The following RUNX1 variants were observed in gnomAD, a reference collection of about 807,000 sequenced individuals.
The protein encoded by RUNX1 is RUNX family transcription factor 1, also known as runt-related transcription factor 1.
Under a neutral mutation model 42.8 loss-of-function variants are expected in RUNX1, and 19 were observed. That is an observed-to-expected ratio of 0.44 (90% CI 0.31 to 0.65). The LOEUF (loss-of-function observed/expected upper bound fraction) is 0.65. Among genes scored for constraint, RUNX1 ranks in the 30% least tolerant of loss-of-function variants. The pLI, the probability that RUNX1 is intolerant of heterozygous loss-of-function variation, is 0.07. For synonymous variants in RUNX1, 271 were observed against 289.4 expected, an observed-to-expected ratio of 0.94 and a Z score of 0.64; for missense variants, 528 against 672.0, an observed-to-expected ratio of 0.79 and a Z score of 2.37.
intron 2 of RUNX1, among the ~76,000 whole-genome samples, chr21:34,987,033 A>C (rs1454428402): frequency 6.6e-6 from 1 of 152,228 alleles, no homozygotes; most frequent in Non-Finnish European, 1.5e-5. Context: ...ACAAGGCTGC[A>C]TGCCCAGGTA....
chr21:35,027,365 G>A (rs561842595), intron 2 of RUNX1, among the ~76,000 whole-genome samples: 8 of 152,348 alleles, frequency 5.3e-5, no homozygotes, highest in African/African-American at 1.7e-4. Flanking sequence ...TCTGGGCTGA[G>A]GCCTCAGATT....
At chr21:34,911,285 T>G (rs997920269) in intron 2 of RUNX1, among the ~76,000 whole-genome samples, 1 of 152,102 alleles carries the variant, frequency 6.6e-6, no homozygotes, top group Non-Finnish European at 1.5e-5. Flanking sequence ...GACAATACAT[T>G]TATTGGGATC....
In RUNX1 at chr21:34,792,875, C is replaced by T. The variant is rs2145880263; in HGVS notation, c.968-265G>A. ...TGACGAGGATCACCCAGCATGTCAC[C>T]TCCCAAGAGGATGGGGACTACCCAT... On this transcript the variant is annotated intron_variant, in intron 8 of 8. Transcript: ENST00000675419. This position sits in a 1 kb window ranked among gnomAD's most constrained non-coding sequence, Gnocchi z 6.9. Among the ~76,000 whole-genome samples the T allele has an allele frequency of 6.6e-6, 1 of 151,820 alleles. No individual in the cohort carries two copies. Among genetic ancestry groups the T allele is most frequent in the Middle Eastern group, 3.4e-3 (1 of 292 alleles).
At chr21:34,870,621 C>CTT (rs1262215020) in intron 5 of RUNX1, among the ~76,000 whole-genome samples, 1 of 152,190 alleles carries the variant, frequency 6.6e-6, no homozygotes, top group East Asian at 1.9e-4. Flanking sequence ...GTGGGGAAGC[C>CTT]AGTAAAGTCC....
In RUNX1 at chr21:34,834,545, G is replaced by T. The variant is rs2057114397; in HGVS notation, c.670C>A (p.Arg224=). ...CGCAGCTGCTCCAGTTCACTGAGCC[G>T]CTCGGAAAAGGACAAGCTCCCGGGC... ...TKPGSLSFSE[R]LSELEQLRRT... Residue 224 remains arginine, a synonymous_variant, in exon 7 of 9, where the codon CGG becomes AGG. Coordinates refer to ENST00000675419, the MANE Select transcript of RUNX1 (RefSeq NM_001754.5). 1 of 1,612,754 alleles carries T rather than the reference G, an allele frequency of 6.2e-7. No individual in the cohort carries two copies. The highest frequency in any genetic ancestry group is 8.5e-7 in the Non-Finnish European group (1 of 1,179,962).
intron 2 of RUNX1, among the ~76,000 whole-genome samples, chr21:34,973,043 A>G (rs778201721): frequency 6.6e-6 from 1 of 152,216 alleles, no homozygotes; most frequent in African/African-American, 2.4e-5. Context: ...CCTCAAAACC[A>G]ATATATCCCA....
chr21:34,999,997 C>T (rs1034361106), intron 2 of RUNX1, among the ~76,000 whole-genome samples: 7 of 152,122 alleles, frequency 4.6e-5, no homozygotes, highest in South Asian at 2.1e-4. Context: ...GTTGGAGCCA[C>T]GCTTATAATA....
chr21:34,991,159 C>T (rs2058934571), intron 2 of RUNX1, among the ~76,000 whole-genome samples: 2 of 152,194 alleles, frequency 1.3e-5, no homozygotes, highest in African/African-American at 4.8e-5. Flanking sequence ...TCTGTGGTTC[C>T]ACCTTGCCTG....
chr21:34,820,282 C>T (rs372647975), intron 7 of RUNX1, among the ~76,000 whole-genome samples: 1 of 152,024 alleles, frequency 6.6e-6, no homozygotes, highest in East Asian at 1.9e-4. Context: ...GGAGGATTTC[C>T]CTTCCTTGCT....
At chr21:34,853,480 T>C (rs2146203699) in intron 6 of RUNX1, among the ~76,000 whole-genome samples, 1 of 152,322 alleles carries the variant, frequency 6.6e-6, no homozygotes, top group South Asian at 2.1e-4. Flanking sequence ...AAACAGACCC[T>C]GGCATCGGTG....
intron 2 of RUNX1, among the ~76,000 whole-genome samples, chr21:35,013,685 C>T (rs2059140921): frequency 6.6e-6 from 1 of 152,206 alleles, no homozygotes; most frequent in Non-Finnish European, 1.5e-5. Context: ...CGTACCAAAA[C>T]TCTTAAAAAT....
At chr21:34,899,811 A>T (rs544448062) in intron 2 of RUNX1, among the ~76,000 whole-genome samples, 1 of 152,220 alleles carries the variant, frequency 6.6e-6, no homozygotes, top group African/African-American at 2.4e-5. Context: ...TTGTATTACC[A>T]GTCAAATTTC....
chr21:34,928,991 CA>C (rs1036023745), intron 2 of RUNX1, among the ~76,000 whole-genome samples: 1 of 150,050 alleles, frequency 6.7e-6, no homozygotes, highest in African/African-American at 2.5e-5. Flanking sequence ...ACTTTGTGTA[CA>C]AATCCACTTT....
chr21:35,033,221 T>G (rs1043443310), intron 2 of RUNX1, among the ~76,000 whole-genome samples: 6 of 152,206 alleles, frequency 3.9e-5, no homozygotes, highest in African/African-American at 1.4e-4. Flanking sequence ...CCAGTTTCTG[T>G]TTTTGGAGAG....
chr21:34,821,175 G>T, intron 7 of RUNX1: 1 of 997,712 alleles, frequency 1.0e-6, no homozygotes, highest in Non-Finnish European at 1.2e-6. Context: ...AGGAGACACC[G>T]GGGGAATTAT....
chr21:34,954,882 G>T (rs1490355984), intron 2 of RUNX1, among the ~76,000 whole-genome samples: 5 of 152,122 alleles, frequency 3.3e-5, no homozygotes, highest in Non-Finnish European at 7.3e-5. Context: ...ATTTGTGATG[G>T]CAGCTGGCAT....
intron 6 of RUNX1, among the ~76,000 whole-genome samples, chr21:34,837,943 T>C (rs745309088): frequency 2.0e-5 from 3 of 152,342 alleles, no homozygotes; most frequent in Admixed American, 6.5e-5. Flanking sequence ...TGCTTGGAAT[T>C]TTATTATGTA....
At chr21:34,910,783 T>C (rs2146521937) in intron 2 of RUNX1, among the ~76,000 whole-genome samples, 1 of 152,172 alleles carries the variant, frequency 6.6e-6, no homozygotes, top group Admixed American at 6.5e-5. Flanking sequence ...TATGTTATTG[T>C]TGTTCTTTTT....
intron 5 of RUNX1, among the ~76,000 whole-genome samples, chr21:34,860,435 C>A (rs573847650): frequency 6.6e-5 from 10 of 152,204 alleles, no homozygotes; most frequent in African/African-American, 2.4e-4. Context: ...AATTTTCCTA[C>A]CTTAGAGAGT....
Sources: allele counts gnomAD v4.1 joint callset (sites outside exome capture counted in the v4.1 genomes callset), GRCh38; gene constraint gnomAD v4.1.1; non-coding constraint Gnocchi (gnomAD v3.1); transcripts MANE v1.5; gene names NCBI Gene and HGNC (gene_info 2026-07-23, HGNC 2026-07-21).